SLC35D2: variants seen among roughly 807,000 people sequenced by gnomAD.
SLC35D2 encodes nucleotide sugar transporter SLC35D2.
SLC35D2 carries 43 observed loss-of-function variants against 41.8 expected under a neutral mutation model. The observed-to-expected ratio is 1.03, with a 90% confidence interval of 0.81 to 1.33. SLC35D2 has a LOEUF of 1.33. SLC35D2 is among the 40% of genes most tolerant of loss of function. The pLI is 0.00. For missense variants in SLC35D2, 380 were observed against 408.4 expected (o/e 0.93, Z 0.60); for synonymous variants, 150 against 163.9 (o/e 0.92, Z 0.65).
intron 10 of SLC35D2, among the ~76,000 whole-genome samples, chr9:96,323,119 C>T (rs1180546939): frequency 4.0e-5 from 6 of 149,876 alleles, no homozygotes; most frequent in Non-Finnish European, 1.5e-5. Flanking sequence ...TGATCGTAAA[C>T]TTGAGCAGAG....
At chr9:96,377,213 C>T (rs903862226) in intron 1 of SLC35D2, among the ~76,000 whole-genome samples, 4 of 151,858 alleles carry the variant, frequency 2.6e-5, no homozygotes, top group Admixed American at 6.6e-5. Flanking sequence ...GCTGATCATC[C>T]GAAACGGGCC....
chr9:96,351,040 G>A (rs1471002690), intron 6 of SLC35D2, 63 bp downstream of exon 6: 2 of 1,205,158 alleles, frequency 1.7e-6, no homozygotes, highest in Non-Finnish European at 2.5e-6. Flanking sequence ...AACTGAGGAT[G>A]GGGCTGGGCC....
chr9:96,351,855 A>G (rs1354204998), intron 5 of SLC35D2, among the ~76,000 whole-genome samples, 183 bp downstream of exon 5: 1 of 152,194 alleles, frequency 6.6e-6, no homozygotes, highest in African/African-American at 2.4e-5. Flanking sequence ...TGGTAAAATT[A>G]CAACTTTTAA....
At position 96,351,131 on chromosome 9, in the gene SLC35D2, T is replaced by C; in HGVS notation, c.460A>G (p.Ile154Val). The C allele has an allele frequency of 1.9e-6, 3 of 1,612,922 alleles. No individual in the cohort carries two copies. Among genetic ancestry groups the C allele is most frequent in the Non-Finnish European group, 2.5e-6 (3 of 1,178,912 alleles). ...GCTGCTATGAAAGCCCCGAGAATAATGGCAAAGACACTGAGGATGATGTTG... is the reference window on the plus strand; with the variant it reads ...GCTGCTATGAAAGCCCCGAGAATAACGGCAAAGACACTGAGGATGATGTTG... ...SLNIILSVFA[I>V]ILGAFIAAGS... Residue 154 changes from isoleucine (I) to valine (V), a missense_variant, in exon 6 of 12, where the codon ATT (isoleucine) becomes GTT (valine). By Grantham distance (29) the Ile-to-Val change is conservative (BLOSUM62 3). Transcript: ENST00000253270.
At chr9:96,319,617 C>T (rs1486381631), downstream of SLC35D2, among the ~76,000 whole-genome samples, 1 of 152,164 alleles carries the variant, frequency 6.6e-6, no homozygotes, top group Non-Finnish European at 1.5e-5. Context: ...GCAATCCTCC[C>T]ACCTCAGCCT....
At chr9:96,361,035 A>C (rs990095298) in intron 3 of SLC35D2, among the ~76,000 whole-genome samples, 4 of 152,092 alleles carry the variant, frequency 2.6e-5, no homozygotes, top group Non-Finnish European at 5.9e-5. Flanking sequence ...GAGCCACCAC[A>C]CTCAGCCCAG....
chr9:96,383,450 A>AC lies in SLC35D2; in HGVS notation c.158+26dup, dbSNP rs546361144. The AC allele has an allele frequency of 8.9e-3, 13,282 of 1,497,264 alleles. 83 individuals are homozygous for AC. Among genetic ancestry groups the AC allele is most frequent in the Non-Finnish European group, 0.01 (11,637 of 1,118,268 alleles). 92.7% of individuals were successfully genotyped at this position (1,497,264 alleles called of 1,614,324 possible). A position where few individuals can be genotyped will look rare whatever the true frequency, so the allele number is the denominator to read the frequency against. On this transcript the variant is annotated intron_variant, in intron 1 of 11. Coordinates refer to ENST00000253270, the MANE Select transcript of SLC35D2 (RefSeq NM_007001.3). ...CAGGGGCAGCCCCGCACTCCCGCAGACCCCCCGGCCCCGGGCCCCGCCTCA... is the reference window on the plus strand; with the variant it reads ...CAGGGGCAGCCCCGCACTCCCGCAGACCCCCCCGGCCCCGGGCCCCGCCTCA...
At chr9:96,335,146 C>T (rs993724966) in intron 9 of SLC35D2, among the ~76,000 whole-genome samples, 10 of 152,166 alleles carry the variant, frequency 6.6e-5, no homozygotes, top group African/African-American at 2.2e-4. Context: ...AATCCATCTT[C>T]CTTCACAGGA....
chr9:96,322,681 T>G (rs1050873641), intron 10 of SLC35D2, among the ~76,000 whole-genome samples: 1 of 151,716 alleles, frequency 6.6e-6, no homozygotes, highest in African/African-American at 2.4e-5. Context: ...CAGGTTCCTA[T>G]CTCTTTACTA....
chr9:96,364,167 C>G (rs552183969), intron 3 of SLC35D2, among the ~76,000 whole-genome samples: 102 of 151,850 alleles, frequency 6.7e-4, no homozygotes, highest in African/African-American at 2.3e-3. Flanking sequence ...AATACAAAAA[C>G]AAAACAAAAC....
In SLC35D2 at chr9:96,360,216, A is replaced by C. The variant is rs753662641; in HGVS notation, c.285T>G (p.Phe95Leu). Residue 95 changes from phenylalanine to leucine, a missense_variant, in exon 4 of 12, where the codon TTT (phenylalanine) becomes TTG (leucine). Phe to Leu is a conservative substitution (Grantham distance 22). Coordinates refer to ENST00000253270, the MANE Select transcript of SLC35D2 (RefSeq NM_007001.3). ...DFDKKIPVKL[F>L]PLPLLYVGNH... The stretch of plus-strand genomic sequence containing the variant: ...TTCCAACGTAGAGGAGAGGCAGAGG[A>C]AACAGCTTCCATTAAAAAAAAAAGA... 6.2e-7 allele frequency: 1 copy of C among 1,610,748 alleles called. No homozygotes were observed. The highest frequency in any genetic ancestry group is 8.5e-7 in the Non-Finnish European group (1 of 1,177,964).
chr9:96,374,365 C>G (rs928411945), intron 1 of SLC35D2, among the ~76,000 whole-genome samples: 3 of 152,012 alleles, frequency 2.0e-5, no homozygotes, highest in African/African-American at 7.3e-5. Flanking sequence ...GAAACCCCGT[C>G]TCTACTAAAA....
At chr9:96,320,490 T>C (rs925065641), downstream of SLC35D2, among the ~76,000 whole-genome samples, 3 of 145,854 alleles carry the variant, frequency 2.1e-5, no homozygotes, top group Non-Finnish European at 4.5e-5. Context: ...CACTCCAACA[T>C]GGGGAATAGA....
chr9:96,383,648 G>T lies in SLC35D2; in HGVS notation c.-14C>A. 2 of 1,036,478 alleles carry T rather than the reference G, an allele frequency of 1.9e-6. No individual in the cohort carries two copies. Among genetic ancestry groups the T allele is most frequent in the Non-Finnish European group, 1.2e-6 (1 of 866,274 alleles). 64.2% of individuals were successfully genotyped at this position (1,036,478 alleles called of 1,614,324 possible). On this transcript the variant is annotated 5_prime_UTR_variant, in exon 1 of 12. Transcript: ENST00000253270. ...GCCGGCCGTCATCTCCTGCGGCCCC[G>T]CGGACCCCGCCGCCCGCCAGCCCCG...
chr9:96,334,129 C>T (rs190575007), intron 9 of SLC35D2, among the ~76,000 whole-genome samples: 22 of 151,918 alleles, frequency 1.4e-4, no homozygotes, highest in African/African-American at 5.3e-4. Context: ...CACCAGGGAC[C>T]GGTTTTGTGG....
At chr9:96,331,523 CCTG>C (rs1303488753) in intron 9 of SLC35D2, among the ~76,000 whole-genome samples, 1 of 152,090 alleles carries the variant, frequency 6.6e-6, no homozygotes, top group African/African-American at 2.4e-5. Context: ...CTCTGCCCCT[CCTG>C]CCACCCTTTC....
downstream of SLC35D2, among the ~76,000 whole-genome samples, chr9:96,320,540 A>G (rs1218209162): frequency 6.6e-6 from 1 of 151,292 alleles, no homozygotes; most frequent in Non-Finnish European, 1.5e-5. Flanking sequence ...AATAGCTAAC[A>G]GGATAAAGCC....
At position 96,332,798 on chromosome 9, in the gene SLC35D2, T is replaced by C. The variant is rs984013595; in HGVS notation, c.752+3919A>G. On this transcript the variant is annotated intron_variant, in intron 9 of 11. Coordinates refer to ENST00000253270, the MANE Select transcript of SLC35D2 (RefSeq NM_007001.3). ...CATCTTAAAACAAAAAAGACCCACTTTGGAAACTAACATCCACCTTGTTTC... is the reference window on the plus strand; with the variant it reads ...CATCTTAAAACAAAAAAGACCCACTCTGGAAACTAACATCCACCTTGTTTC... 3.3e-5 allele frequency among the ~76,000 whole-genome samples: 5 copies of C among 151,952 alleles called. No individual in the cohort carries two copies. The East Asian group carries it at 9.7e-4, about 29-fold the overall frequency.
intron 9 of SLC35D2, among the ~76,000 whole-genome samples, chr9:96,326,714 G>A (rs1407344920): frequency 6.6e-6 from 1 of 151,464 alleles, no homozygotes; most frequent in Non-Finnish European, 1.5e-5. Context: ...GCTGAGGCAG[G>A]AGAATTGCTT....
Sources: allele counts gnomAD v4.1 joint callset (sites outside exome capture counted in the v4.1 genomes callset), GRCh38; gene constraint gnomAD v4.1.1; transcripts MANE v1.5; gene names NCBI Gene and HGNC (gene_info 2026-07-23, HGNC 2026-07-21).